The following ABCC1 variants were observed in gnomAD, a reference collection of about 807,000 sequenced individuals.
ABCC1 encodes multidrug resistance-associated protein 1.
ABCC1 carries 83 observed loss-of-function variants against 172.9 expected under a neutral mutation model. The ratio of observed to expected loss-of-function variants is 0.48; its 90% CI spans 0.40 to 0.58. The LOEUF is 0.58. Ranked by LOEUF, ABCC1 falls within the 20% of genes least tolerant of loss-of-function variation. ABCC1 has a pLI of 0.00. For synonymous variants in ABCC1, 937 were observed against 825.2 expected (o/e 1.14, Z -2.32); for missense variants, 1,817 against 2,002.7 (o/e 0.91, Z 1.77).
In ABCC1 at chr16:15,980,736, C is replaced by T. The variant is rs917381969; in HGVS notation, c.49-27080C>T. Among the ~76,000 whole-genome samples, 12 of 152,148 alleles carry T rather than the reference C, an allele frequency of 7.9e-5. 1 individual carries two copies. Among genetic ancestry groups the T allele is most frequent in the African/African-American group, 2.2e-4 (9 of 41,414 alleles). On this transcript the variant is annotated intron_variant, in intron 1 of 30. Transcript: ENST00000399410. ...ATGGCCAAATGATATCGTTCTGCCC[C>T]TCCCAAATCTCATGTCCTCACATTT...
chr16:16,115,001 C>T lies in ABCC1; in HGVS notation c.3315C>T (p.Cys1105=), dbSNP rs373397908. ...CCCTGTTCAACGTCATTGGTGCCTG[C>T]ATCGTTATCCTGCTGGCCACGCCCA... ...MGSLFNVIGA[C]IVILLATPIA... Residue 1105 remains cysteine, a synonymous_variant, in exon 23 of 31, where the codon TGC becomes TGT. Coordinates refer to ENST00000399410, the MANE Select transcript of ABCC1 (RefSeq NM_004996.4). 23 of 1,614,114 alleles carry T rather than the reference C, an allele frequency of 1.4e-5. No homozygotes were observed. The highest frequency in any genetic ancestry group is 1.9e-5 in the Non-Finnish European group (23 of 1,180,042).
intron 1 of ABCC1, among the ~76,000 whole-genome samples, chr16:15,993,238 A>G (rs2046935186): frequency 6.6e-6 from 1 of 152,218 alleles, no homozygotes; most frequent in Admixed American, 6.5e-5. Context: ...GATAGATTGA[A>G]TGAATGAATG....
At chr16:15,954,310 G>A (rs1012164263) in intron 1 of ABCC1, among the ~76,000 whole-genome samples, 24 of 152,066 alleles carry the variant, frequency 1.6e-4, no homozygotes, top group Admixed American at 1.6e-3. Flanking sequence ...GATTGCAAGC[G>A]TGAGCCACCG....
chr16:15,978,285 G>C (rs13333810), intron 1 of ABCC1, among the ~76,000 whole-genome samples: 28,764 of 152,046 alleles, frequency 0.19, 3,495 homozygotes, highest in African/African-American at 0.34. Flanking sequence ...AGGATCTCCT[G>C]AGCTCAGGAG....
chr16:16,134,414 A>G lies in ABCC1; in HGVS notation c.4031A>G (p.Asn1344Ser), dbSNP rs541436795. The change falls in exon 28 of 31, where the codon AAC becomes AGC. Residue 1344 changes from asparagine to serine, a missense_variant. Asn to Ser is a conservative substitution (Grantham distance 46). Coordinates refer to ENST00000399410, the MANE Select transcript of ABCC1 (RefSeq NM_004996.4). Reference protein sequence around the residue: ...SSLTLGLFRINESAEGEIIID... With the variant: ...SSLTLGLFRISESAEGEIIID... ...CTGACCCTGGGCTTATTTCGGATCA[A>G]CGAGTCTGCCGAAGGAGAGATCATC... The G allele has an allele frequency of 1.1e-5, 18 of 1,614,156 alleles. No individual in the cohort carries two copies. In the African/African-American group the frequency reaches 2.3e-4, roughly 20 times the overall value.
chr16:16,002,346 A>C (rs1035721251), intron 1 of ABCC1, among the ~76,000 whole-genome samples: 1 of 152,160 alleles, frequency 6.6e-6, no homozygotes, highest in African/African-American at 2.4e-5. Flanking sequence ...GACATAAGCA[A>C]CCCATGATCA....
intron 29 of ABCC1, among the ~76,000 whole-genome samples, chr16:16,137,074 C>T (rs947518369): frequency 1.3e-5 from 2 of 152,212 alleles, no homozygotes; most frequent in Non-Finnish European, 2.9e-5. Flanking sequence ...CCAGCGGAAC[C>T]TCTGGGGTCC....
chr16:15,954,889 G>A (rs1199518256), intron 1 of ABCC1, among the ~76,000 whole-genome samples: 2 of 152,164 alleles, frequency 1.3e-5, no homozygotes, highest in African/African-American at 2.4e-5. Context: ...CCTAAAGAAC[G>A]TGAGCTTCCT....
At chr16:16,109,107 C>T (rs1377107427) in intron 21 of ABCC1, among the ~76,000 whole-genome samples, 1 of 152,178 alleles carries the variant, frequency 6.6e-6, no homozygotes, top group East Asian at 1.9e-4. Context: ...AAGGAAGCAG[C>T]CAGTTACACA....
chr16:16,039,981 G>A (rs1400942824), intron 7 of ABCC1, among the ~76,000 whole-genome samples: 2 of 152,048 alleles, frequency 1.3e-5, no homozygotes, highest in Non-Finnish European at 1.5e-5. Flanking sequence ...AGTTAAGGTG[G>A]GATTCCAGGT....
chr16:16,049,942 CTG>C (rs753828521), intron 10 of ABCC1, among the ~76,000 whole-genome samples: 3 of 152,142 alleles, frequency 2.0e-5, no homozygotes, highest in Non-Finnish European at 4.4e-5. Flanking sequence ...GATCTACCCT[CTG>C]TGGTCTCCCA....
intron 5 of ABCC1, 129 bp downstream of exon 5, chr16:16,016,750 A>G (rs959161453): frequency 2.3e-5 from 31 of 1,323,126 alleles, no homozygotes; most frequent in Admixed American, 4.4e-5. Flanking sequence ...GATACAGGGA[A>G]TATCATCCCA....
chr16:16,056,195 A>C lies in ABCC1; in HGVS notation c.1577A>C (p.Asp526Ala), dbSNP rs72547522. 6.2e-7 allele frequency: 1 copy of C among 1,614,050 alleles called. No homozygotes were observed. The highest frequency in any genetic ancestry group is 2.2e-5 in the East Asian group (1 of 44,894). Reference protein sequence around the residue: ...KLYAWELAFKDKVLAIRQEEL... With the variant: ...KLYAWELAFKAKVLAIRQEEL... ...TATGCCTGGGAGCTGGCATTCAAGG[A>C]CAAGGTGCTGGCCATCAGGCAGGAG... Residue 526 changes from aspartate (D) to alanine (A), a missense_variant, in exon 12 of 31, where the codon GAC becomes GCC. Asp to Ala is a moderately radical substitution (Grantham distance 126). Coordinates refer to ENST00000399410, the MANE Select transcript of ABCC1 (RefSeq NM_004996.4).
At chr16:16,020,216 C>T (rs1050218876) in intron 5 of ABCC1, among the ~76,000 whole-genome samples, 15 of 152,196 alleles carry the variant, frequency 9.9e-5, no homozygotes, top group African/African-American at 3.6e-4. Flanking sequence ...GCCACCGTGC[C>T]CGGCTGTGGT....
At chr16:16,040,457 GT>G (rs1032904948) in intron 7 of ABCC1, among the ~76,000 whole-genome samples, 1 of 151,588 alleles carries the variant, frequency 6.6e-6, no homozygotes, top group African/African-American at 2.4e-5. Flanking sequence ...CCGGCTAATT[GT>G]GTATTTTTAG....
At position 15,949,669 on chromosome 16, in the gene ABCC1, C is replaced by T. The variant is rs2045816383; in HGVS notation, c.-83C>T. 1.1e-6 allele frequency: 1 copy of T among 895,560 alleles called. No individual in the cohort carries two copies. Among genetic ancestry groups the T allele is most frequent in the Non-Finnish European group, 1.3e-6 (1 of 747,804 alleles). 55.5% of individuals were successfully genotyped at this position (895,560 alleles called of 1,614,324 possible). On this transcript the variant is annotated 5_prime_UTR_variant, in exon 1 of 31. Transcript: ENST00000399410. ...CCAGCAGCCGGGCCCGATCACCCGC[C>T]GCCCGGTGCCCGCCGCCGCCCGCGC...
intron 12 of ABCC1, among the ~76,000 whole-genome samples, chr16:16,062,542 T>A (rs944093044): frequency 6.6e-6 from 1 of 152,182 alleles, no homozygotes; most frequent in Admixed American, 6.5e-5. Flanking sequence ...TCTTGAGCTT[T>A]CTTGCCATTT....
chr16:16,124,398 T>TGG lies in ABCC1; in HGVS notation c.3591-390_3591-389insGG, dbSNP rs759969312. Among the ~76,000 whole-genome samples, 82 of 136,576 alleles carry TGG rather than the reference T, an allele frequency of 6.0e-4. 1 individual carries two copies. Among genetic ancestry groups the TGG allele is most frequent in the Non-Finnish European group, 1.0e-3 (63 of 62,758 alleles). 89.6% of individuals were successfully genotyped at this position (136,576 alleles called of 152,430 possible). ...CCGGCTGTGTGTGTGTGTGTGTGTGTGTGTGTGTGTGTATGTGTGTGTGTG... is the reference window on the plus strand; with the variant it reads ...CCGGCTGTGTGTGTGTGTGTGTGTGTGGGTGTGTGTGTGTATGTGTGTGTGTG... On this transcript the variant is annotated intron_variant, in intron 24 of 30. Coordinates refer to ENST00000399410, the MANE Select transcript of ABCC1 (RefSeq NM_004996.4).
At chr16:15,953,889 C>T (rs1290682270) in intron 1 of ABCC1, among the ~76,000 whole-genome samples, 1 of 152,128 alleles carries the variant, frequency 6.6e-6, no homozygotes, top group Non-Finnish European at 1.5e-5. Context: ...TTAATTCTTC[C>T]CCTTGGCTCA....
Sources: gnomAD v4.1 joint callset for allele counts (sites outside exome capture counted in the v4.1 genomes callset) on GRCh38, gnomAD v4.1.1 for gene constraint, MANE v1.5 for transcripts, NCBI Gene and HGNC (gene_info 2026-07-23, HGNC 2026-07-21) for gene names.